Variants in DACH2 observed in about 807,000 individuals in gnomAD.
The protein encoded by DACH2 is dachshund homolog 2.
In DACH2, 17 loss-of-function variants were observed where a neutral mutation model predicts 35.8. The observed-to-expected ratio is 0.48, with a 90% CI of 0.33 to 0.71. The LOEUF (loss-of-function observed/expected upper bound fraction) is 0.71, where lower values mean the gene tolerates loss of function less well. Among genes scored for constraint, DACH2 ranks in the 30% least tolerant of loss-of-function variants. The pLI is 0.02. For synonymous variants in DACH2, 195 were observed against 177.3 expected (o/e 1.10, Z -0.79); for missense variants, 469 against 472.7 (o/e 0.99, Z 0.07).
chrX:86,491,432 A>G (rs2038091536), intron 2 of DACH2, among the ~76,000 whole-genome samples: 1 of 112,215 alleles, frequency 8.9e-6, no homozygotes, highest in Non-Finnish European at 1.9e-5. Flanking sequence ...TGAAAAGAGA[A>G]ACAAACCTTT....
At chrX:86,350,004 C>T (rs2035566193) in intron 1 of DACH2, among the ~76,000 whole-genome samples, 2 of 110,968 alleles carry the variant, frequency 1.8e-5, no homozygotes, top group Non-Finnish European at 3.8e-5. Context: ...CCCGTCTCTA[C>T]TAAAAATACA....
intron 4 of DACH2, among the ~76,000 whole-genome samples, chrX:86,654,202 A>C (rs192758485): frequency 3.1e-4 from 33 of 106,933 alleles, no homozygotes; most frequent in African/African-American, 1.0e-3. Flanking sequence ...AAAAAAAAAA[A>C]AAAAAAAAAA....
At chrX:86,327,596 G>A (rs1231986082) in intron 1 of DACH2, among the ~76,000 whole-genome samples, 2 of 101,204 alleles carry the variant, frequency 2.0e-5, no homozygotes, top group Admixed American at 1.0e-4. Context: ...AAGGTAGGAC[G>A]AAAAGTTAGT....
intron 1 of DACH2, among the ~76,000 whole-genome samples, chrX:86,327,229 A>C (rs759525539): frequency 3.7e-4 from 42 of 112,162 alleles, no homozygotes; most frequent in Admixed American, 2.6e-3. Context: ...GTCACTATGA[A>C]ATATTGGGCA....
At chrX:86,256,618 T>C (rs539435590) in intron 1 of DACH2, among the ~76,000 whole-genome samples, 2 of 112,202 alleles carry the variant, frequency 1.8e-5, no homozygotes, top group East Asian at 5.6e-4. Flanking sequence ...TTACAAAAAA[T>C]GTAAAACAGT....
chrX:86,240,607 A>G (rs1338265008), intron 1 of DACH2, among the ~76,000 whole-genome samples: 1 of 109,513 alleles, frequency 9.1e-6, no homozygotes, highest in African/African-American at 3.3e-5. Flanking sequence ...AGCTGGGACT[A>G]TAAGCACATG....
intron 1 of DACH2, among the ~76,000 whole-genome samples, chrX:86,254,199 T>C (rs191004124): frequency 3.0e-4 from 33 of 111,639 alleles, no homozygotes; most frequent in African/African-American, 1.0e-3. Context: ...GCTAACAATT[T>C]CTAATATGTT....
At chrX:86,554,822 T>C (rs2039095989) in intron 3 of DACH2, among the ~76,000 whole-genome samples, 1 of 112,050 alleles carries the variant, frequency 8.9e-6, no homozygotes, top group South Asian at 3.7e-4. Flanking sequence ...TTAAATCATA[T>C]GTGAAAGCGT....
At chrX:86,449,604 C>T (rs964028014) in intron 2 of DACH2, among the ~76,000 whole-genome samples, 4 of 108,094 alleles carry the variant, frequency 3.7e-5, no homozygotes, top group African/African-American at 1.1e-4. Context: ...TGTAGTTAAG[C>T]GATTTCCTCT....
At chrX:86,826,634 G>A (rs772643795) in intron 11 of DACH2, among the ~76,000 whole-genome samples, 6 of 111,347 alleles carry the variant, frequency 5.4e-5, no homozygotes, top group African/African-American at 9.8e-5. Context: ...AATAATAACC[G>A]ACTGGATCCC....
chrX:86,253,416 C>T (rs1031687385), intron 1 of DACH2, among the ~76,000 whole-genome samples: 6 of 111,503 alleles, frequency 5.4e-5, no homozygotes, highest in African/African-American at 2.0e-4. Flanking sequence ...AAAGCTGCTT[C>T]CCAAATTCCC....
chrX:86,700,535 A>T (rs1421136132), intron 5 of DACH2, among the ~76,000 whole-genome samples: 1 of 8,353 alleles, frequency 1.2e-4, no homozygotes, highest in Admixed American at 1.6e-3. Context: ...AACCCCAGTT[A>T]AAAAAAAAAA....
At chrX:86,765,689 TGTTTTTTG>T (rs1450492473) in intron 7 of DACH2, among the ~76,000 whole-genome samples, 5 of 92,263 alleles carry the variant, frequency 5.4e-5, no homozygotes, top group East Asian at 7.3e-4. Flanking sequence ...TTTTTGTTGT[TGTTTTTTG>T]GTTTTTTTTT....
intron 4 of DACH2, among the ~76,000 whole-genome samples, chrX:86,669,630 A>G (rs961068068): frequency 9.8e-5 from 11 of 111,698 alleles, no homozygotes; most frequent in African/African-American, 3.6e-4. Flanking sequence ...ATATGGTCAA[A>G]TACATGAATT....
chrX:86,560,480 G>A (rs775008271), intron 3 of DACH2, among the ~76,000 whole-genome samples: 4 of 106,912 alleles, frequency 3.7e-5, no homozygotes, highest in East Asian at 3.0e-4. Flanking sequence ...GAATCTGAAA[G>A]TTGGCCTGCC....
chrX:86,722,994 A>G (rs1410673934), intron 6 of DACH2, among the ~76,000 whole-genome samples: 1 of 111,627 alleles, frequency 9.0e-6, no homozygotes, highest in Non-Finnish European at 1.9e-5. Context: ...TAATGATTCA[A>G]TCCCGCTACT....
chrX:86,657,075 G>A (rs1269666520), intron 4 of DACH2, among the ~76,000 whole-genome samples: 1 of 107,327 alleles, frequency 9.3e-6, no homozygotes, highest in Non-Finnish European at 1.9e-5. Flanking sequence ...GAGAGTAGAA[G>A]GTGGCTCAGA....
At chrX:86,501,463 A>T (rs1248387882) in intron 2 of DACH2, among the ~76,000 whole-genome samples, 3 of 112,289 alleles carry the variant, frequency 2.7e-5, no homozygotes, top group Non-Finnish European at 5.6e-5. Flanking sequence ...GGATTACAAT[A>T]GCCTCTCAGC....
At chrX:86,285,502 T>A (rs1030789688) in intron 1 of DACH2, among the ~76,000 whole-genome samples, 1 of 112,136 alleles carries the variant, frequency 8.9e-6, no homozygotes, top group Non-Finnish European at 1.9e-5. Flanking sequence ...GTTATTGTTT[T>A]GTTTCATTGT....
Sources: gnomAD v4.1 joint callset for allele counts (sites outside exome capture counted in the v4.1 genomes callset) on GRCh38, gnomAD v4.1.1 for gene constraint, MANE v1.5 for transcripts, NCBI Gene and HGNC (gene_info 2026-07-23, HGNC 2026-07-21) for gene names.